SRPX2: variants seen among roughly 807,000 people sequenced by gnomAD.
The protein encoded by SRPX2 is sushi repeat containing protein X-linked 2.
In SRPX2, 26 loss-of-function variants were observed where a neutral mutation model predicts 45.3. The ratio of observed to expected loss-of-function variants is 0.57; its 90% CI spans 0.42 to 0.80. SRPX2 has a LOEUF of 0.80. Among genes scored for constraint, SRPX2 ranks in the 30% least tolerant of loss-of-function variants. The pLI, the probability that SRPX2 is intolerant of heterozygous loss-of-function variation, is 0.00. For missense variants in SRPX2, 355 were observed against 399.8 expected (o/e 0.89, Z 0.95); for synonymous variants, 125 against 143.7 (o/e 0.87, Z 0.93).
At chrX:100,665,120 C>T in intron 5 of SRPX2, 123 bp from the exon 6 acceptor site, 1 of 1,104,821 alleles carries the variant, frequency 9.1e-7, no homozygotes, top group Middle Eastern at 2.8e-4. Flanking sequence ...CGCTTCCTTC[C>T]CCAGTTTCCT....
rs746716311 is a variant in SRPX2, at chrX:100,664,788, G to A, written c.370G>A (p.Ala124Thr). The stretch of plus-strand genomic sequence containing the variant: ...TTTTCTCTTAGAGATGAGATGCCAC[G>A]CACTACCATTCATCACTAGTGGCAC... ...TAYCRQMRCHALPFITSGTYT... is the reference protein window; with the variant it reads ...TAYCRQMRCHTLPFITSGTYT... The change falls in exon 5 of 11, where the codon GCA becomes ACA. Residue 124 changes from alanine to threonine, a missense_variant. Coordinates refer to ENST00000373004, the MANE Select transcript of SRPX2 (RefSeq NM_014467.3). The A allele has an allele frequency of 6.6e-6, 8 of 1,204,182 alleles. No individual in the cohort carries two copies. Among genetic ancestry groups the A allele is most frequent in the Non-Finnish European group, 7.8e-6 (7 of 892,237 alleles).
intron 1 of SRPX2, among the ~76,000 whole-genome samples, 192 bp downstream of exon 1, chrX:100,644,707 C>T (rs1292903083): frequency 9.0e-6 from 1 of 111,258 alleles, no homozygotes; most frequent in Non-Finnish European, 1.9e-5. Context: ...CCAGCAACTT[C>T]TCAGCCCACA....
chrX:100,656,802 T>A (rs916030579), intron 3 of SRPX2, among the ~76,000 whole-genome samples: 1 of 112,059 alleles, frequency 8.9e-6, no homozygotes, highest in Non-Finnish European at 1.9e-5. Flanking sequence ...CCCTTTGATA[T>A]CTTGATTTCT....
chrX:100,659,630 C>T (rs2083180564), intron 3 of SRPX2, among the ~76,000 whole-genome samples: 1 of 111,578 alleles, frequency 9.0e-6, no homozygotes, highest in South Asian at 3.8e-4. Flanking sequence ...CCATGTGTCA[C>T]TGCCACAGGC....
chrX:100,646,547 A>G, intron 2 of SRPX2, 143 bp downstream of exon 2: 2 of 604,453 alleles, frequency 3.3e-6, no homozygotes, highest in Admixed American at 2.8e-5. Context: ...ATGGTTAAAC[A>G]TGGCAACAGA....
chrX:100,669,112 G>T, intron 9 of SRPX2, 136 bp from the exon 10 acceptor site: 2 of 832,629 alleles, frequency 2.4e-6, no homozygotes, highest in Non-Finnish European at 3.5e-6. Context: ...AGACCCCACA[G>T]TGTGATTGCG....
chrX:100,657,490 A>C (rs1486151504), intron 3 of SRPX2, among the ~76,000 whole-genome samples: 1 of 103,968 alleles, frequency 9.6e-6, no homozygotes, highest in Non-Finnish European at 2.0e-5. Flanking sequence ...TGCTGGGATT[A>C]CAGGTGCCCA....
intron 6 of SRPX2, 28 bp from the exon 7 acceptor site, chrX:100,665,508 A>G: frequency 8.3e-7 from 1 of 1,211,440 alleles, no homozygotes; most frequent in East Asian, 3.0e-5. Flanking sequence ...CTCTTTCCTC[A>G]GTGTTTATTT....
In SRPX2 at chrX:100,674,863, A is replaced by G. The variant is rs1307358339; in HGVS notation, c.*3876A>G. Reference sequence around the variant, plus strand: ...ACTAGACCCTTCTTTGAAAAGCCTCAACACACTACACCCATGTAATATGTA... The same window carrying G: ...ACTAGACCCTTCTTTGAAAAGCCTCGACACACTACACCCATGTAATATGTA... On this transcript the variant is annotated 3_prime_UTR_variant, in exon 11 of 11. Transcript: ENST00000373004. The G allele has an allele frequency of 3.6e-5, 4 of 111,960 alleles. No individual in the cohort carries two copies. The allele number at this position is 111,960 out of a possible 1,213,427, so 9.2% of individuals were successfully genotyped here.
intron 3 of SRPX2, among the ~76,000 whole-genome samples, chrX:100,652,336 C>G (rs2083156213): frequency 3.6e-5 from 4 of 112,045 alleles, no homozygotes; most frequent in African/African-American, 1.3e-4. Flanking sequence ...GTCTGTACAC[C>G]TGGAAGAAAT....
intron 4 of SRPX2, 32 bp downstream of exon 4, chrX:100,662,399 G>C (rs1355831476): frequency 1.2e-5 from 15 of 1,205,223 alleles, no homozygotes; most frequent in African/African-American, 1.7e-5. Context: ...GCTGATGTAT[G>C]TATGCGAGAG....
chrX:100,671,180 G>A lies in SRPX2; in HGVS notation c.*193G>A. 1 of 501,860 alleles carries A rather than the reference G, an allele frequency of 2.0e-6. No homozygotes were observed. Among genetic ancestry groups the A allele is most frequent in the South Asian group, 3.0e-5 (1 of 33,793 alleles). 41.4% of individuals were successfully genotyped at this position (501,860 alleles called of 1,213,427 possible). A position where few individuals can be genotyped will look rare whatever the true frequency, so the allele number is the denominator to read the frequency against. On this transcript the variant is annotated 3_prime_UTR_variant, in exon 11 of 11. Transcript: ENST00000373004. Reference sequence around the variant, plus strand: ...TAATAGTTTCCCTAGAAGCTAGGTAGGGACTGAGGACAGGCCTTGGGCAGT... The same window carrying A: ...TAATAGTTTCCCTAGAAGCTAGGTAAGGACTGAGGACAGGCCTTGGGCAGT...
Position 100,671,056 on chromosome X carries a change from A to G in SRPX2, c.*69A>G. ...AGTTAGCTGAAACTGGGACCTAATA[A>G]AAGGAGGAAATGTTTTCCCACAGTT... On this transcript the variant is annotated 3_prime_UTR_variant, in exon 11 of 11. Transcript: ENST00000373004. The G allele has an allele frequency of 9.1e-7, 1 of 1,093,084 alleles. No homozygotes were observed. The highest frequency in any genetic ancestry group is 1.2e-6 in the Non-Finnish European group (1 of 808,377). The allele number at this position is 1,093,084 out of a possible 1,213,427, so 90.1% of individuals were successfully genotyped here.
rs372465742 is a variant in SRPX2, at chrX:100,672,745, G to C, written c.*1758G>C. On this transcript the variant is annotated 3_prime_UTR_variant, in exon 11 of 11. Coordinates refer to ENST00000373004, the MANE Select transcript of SRPX2 (RefSeq NM_014467.3). ...CTACCCAGACACAAGGCTCAGAGTG[G>C]GCTCAGGAGGAAAGAGGGAAATGGA... The C allele has an allele frequency of 7.2e-5, 8 of 111,753 alleles. No individual in the cohort carries two copies. In the East Asian group the frequency reaches 2.0e-3, roughly 28 times the overall value. 9.2% of individuals were successfully genotyped at this position (111,753 alleles called of 1,213,427 possible).
At chrX:100,654,236 TA>T (rs767636975) in intron 3 of SRPX2, among the ~76,000 whole-genome samples, 14 of 112,060 alleles carry the variant, frequency 1.2e-4, no homozygotes, top group African/African-American at 4.5e-4. Context: ...TTTGGAGGTG[TA>T]GTGTCTCATA....
chrX:100,646,416 G>A lies in SRPX2; in HGVS notation c.82+12G>A, dbSNP rs777319585. On this transcript the variant is annotated intron_variant, in intron 2 of 10. Transcript: ENST00000373004. ...AACATGGTATGCAGGTAAGTTCTAG[G>A]AGCTGTTGCCTATTATTTCCAGGAA... is the stretch of plus-strand genomic sequence containing the variant. 1 of 1,200,293 alleles carries A rather than the reference G, an allele frequency of 8.3e-7. No individual in the cohort carries two copies. Among genetic ancestry groups the A allele is most frequent in the South Asian group, 1.8e-5 (1 of 56,778 alleles).
intron 3 of SRPX2, among the ~76,000 whole-genome samples, chrX:100,660,380 T>C (rs2083183373): frequency 1.8e-5 from 2 of 112,143 alleles, no homozygotes; most frequent in Admixed American, 9.4e-5. Flanking sequence ...CCCTATATTT[T>C]TGTTATATAA....
chrX:100,662,417 C>A (rs2083191616), intron 4 of SRPX2, 50 bp downstream of exon 4: 2 of 1,183,325 alleles, frequency 1.7e-6, no homozygotes, highest in African/African-American at 3.5e-5. Context: ...GAGAAGCCAG[C>A]CAGCCAGCTG....
In SRPX2 at chrX:100,670,899, C is replaced by T. The variant is rs746713927; in HGVS notation, c.1310C>T (p.Pro437Leu). 2 of 1,211,325 alleles carry T rather than the reference C, an allele frequency of 1.7e-6. No individual in the cohort carries two copies. Among genetic ancestry groups the T allele is most frequent in the Non-Finnish European group, 2.2e-6 (2 of 895,373 alleles). ...GACCGCTACATGGAACCTGTCACCC[C>T]CGAGGAAATCTTCACATTCATTGAT... ...DRDRYMEPVT[P>L]EEIFTFIDDY... The change falls in exon 11 of 11, where the codon CCC (proline) becomes CTC (leucine). Residue 437 changes from proline (P) to leucine (L), a missense_variant. Pro to Leu is a moderately conservative substitution (Grantham distance 98). Transcript: ENST00000373004.
Sources: allele counts gnomAD v4.1 joint callset (sites outside exome capture counted in the v4.1 genomes callset), GRCh38; gene constraint gnomAD v4.1.1; transcripts MANE v1.5; gene names NCBI Gene and HGNC (gene_info 2026-07-23, HGNC 2026-07-21).